Variants in ABLIM1 observed in about 807,000 individuals in gnomAD.
ABLIM1 encodes actin binding LIM protein 1.
Under a neutral mutation model 107.0 loss-of-function variants are expected in ABLIM1, and 40 were observed. That is an observed-to-expected ratio of 0.37 (90% CI 0.29 to 0.49). The LOEUF (loss-of-function observed/expected upper bound fraction) is 0.49, where lower values mean the gene tolerates loss of function less well. Among genes scored for constraint, ABLIM1 ranks in the 20% least tolerant of loss-of-function variants. ABLIM1 has a pLI of 0.97. For synonymous variants in ABLIM1, 357 were observed against 357.3 expected (o/e 1.00, Z 0.01); for missense variants, 857 against 1,008.5 (o/e 0.85, Z 2.04).
intron 8 of ABLIM1, among the ~76,000 whole-genome samples, chr10:114,481,183 A>G (rs2057311101): frequency 6.6e-6 from 1 of 152,146 alleles, no homozygotes; most frequent in Non-Finnish European, 1.5e-5. Context: ...CCGGTTGAGT[A>G]AGTAGATAAA....
At position 114,546,303 on chromosome 10, in the gene ABLIM1, T is replaced by C. The variant is rs193173693; in HGVS notation, c.801-1205A>G. On this transcript the variant is annotated intron_variant, in intron 5 of 22. Transcript: ENST00000533213. Reference sequence around the variant, plus strand: ...CTTGCCTTTTCTTTTCTTTCTTTTTTTTTTTTTTTGAGACAGAGTCTTGCT... The same window carrying C: ...CTTGCCTTTTCTTTTCTTTCTTTTTCTTTTTTTTTGAGACAGAGTCTTGCT... Among the ~76,000 whole-genome samples, 354 of 150,860 alleles carry C rather than the reference T, an allele frequency of 2.3e-3. 2 individuals are homozygous for C. Among genetic ancestry groups the C allele is most frequent in the African/African-American group, 8.3e-3 (341 of 41,214 alleles).
intron 1 of ABLIM1, among the ~76,000 whole-genome samples, chr10:114,723,307 G>A (rs2081890048): frequency 6.6e-6 from 1 of 152,156 alleles, no homozygotes; most frequent in Non-Finnish European, 1.5e-5. Flanking sequence ...CGTGTTAGAG[G>A]GACATGCCCC....
chr10:114,579,302 A>G (rs997670263), intron 2 of ABLIM1, among the ~76,000 whole-genome samples: 5 of 152,218 alleles, frequency 3.3e-5, no homozygotes, highest in Admixed American at 3.3e-4. Flanking sequence ...AGCTGGTATT[A>G]AAAAGAATGA....
At chr10:114,725,018 C>T (rs1465403229) in intron 1 of ABLIM1, among the ~76,000 whole-genome samples, 1 of 152,190 alleles carries the variant, frequency 6.6e-6, no homozygotes, top group Non-Finnish European at 1.5e-5. Context: ...TCTTTTCTCC[C>T]TCCATCCCCA....
At chr10:114,676,864 T>G (rs529425886) in intron 1 of ABLIM1, among the ~76,000 whole-genome samples, 1 of 152,206 alleles carries the variant, frequency 6.6e-6, no homozygotes, top group Admixed American at 6.5e-5. Context: ...GCCTCCTGAG[T>G]AGCTGGGAGT....
chr10:114,745,317 T>C (rs559457993), intron 1 of ABLIM1, among the ~76,000 whole-genome samples: 22 of 152,338 alleles, frequency 1.4e-4, no homozygotes, highest in African/African-American at 4.6e-4. Context: ...TCCTAGCACT[T>C]TGGGAGGCCA....
chr10:114,611,429 C>A (rs531127299), intron 1 of ABLIM1, among the ~76,000 whole-genome samples: 1 of 150,530 alleles, frequency 6.6e-6, no homozygotes, highest in Non-Finnish European at 1.5e-5. Context: ...TGAGATCACA[C>A]GACTACACAC....
chr10:114,694,031 T>C (rs1281815233), intron 1 of ABLIM1, among the ~76,000 whole-genome samples: 1 of 152,168 alleles, frequency 6.6e-6, no homozygotes, highest in African/African-American at 2.4e-5. Flanking sequence ...GCCCTGCCTA[T>C]GTAAGATGAA....
Position 114,436,381 on chromosome 10 carries a change from G to GA in ABLIM1, c.2224-9dup, listed in dbSNP as rs1565185609. The GA allele has an allele frequency of 5.8e-6, 9 of 1,555,182 alleles. No individual in the cohort carries two copies. The highest frequency in any genetic ancestry group is 2.4e-5 in the South Asian group (2 of 82,226). ...TTCAGGGGCTAAGTGGCGCTGGGAA[G>GA]AAGAAAAAAAAAAAAGAGCTGCTGT... is the stretch of plus-strand genomic sequence containing the variant. On this transcript the variant is annotated splice_polypyrimidine_tract_variant and intron_variant, in intron 22 of 22. Transcript: ENST00000533213.
intron 1 of ABLIM1, among the ~76,000 whole-genome samples, chr10:114,738,584 T>C (rs778367722): frequency 6.6e-6 from 1 of 152,160 alleles, no homozygotes; most frequent in Non-Finnish European, 1.5e-5. Flanking sequence ...AAAGAAAAAC[T>C]GCAGAGACTA....
At chr10:114,784,665 C>CAAAAAAAAAAAAAA in the ABLIM1 span, among the ~76,000 whole-genome samples, 3 of 88,004 alleles carry the variant, frequency 3.4e-5, no homozygotes, top group African/African-American at 4.3e-5. Flanking sequence ...AGACTCACCT[C>CAAAAAAAAAAAAAA]AAAAAAAAAA....
At chr10:114,767,908 T>TGCCCCCG (rs1207660221) in intron 1 of ABLIM1, among the ~76,000 whole-genome samples, 11 of 152,030 alleles carry the variant, frequency 7.2e-5, no homozygotes, top group African/African-American at 2.4e-4. Context: ...TTCCTTCCCC[T>TGCCCCCG]GCCCCCGGCC....
Position 114,437,900 on chromosome 10 carries a change from C to G in ABLIM1, c.2167G>C (p.Val723Leu). 6.2e-7 allele frequency: 1 copy of G among 1,613,994 alleles called. No homozygotes were observed. The highest frequency in any genetic ancestry group is 8.5e-7 in the Non-Finnish European group (1 of 1,179,972). The change falls in exon 22 of 23, where the codon GTG becomes CTG. Residue 723 changes from valine (V) to leucine (L), a missense_variant. Physicochemically the swap from Val to Leu is conservative, Grantham distance 32. Transcript: ENST00000533213. ...ATTTTGTTTCGCCCTCTGTTGGTCA[C>G]CATGAGCATTTCATATGGAAATATC... ...PKIFPYEMLM[V>L]TNRGRNKILR...
At chr10:114,645,261 C>T (rs1256842939) in intron 1 of ABLIM1, among the ~76,000 whole-genome samples, 1 of 151,536 alleles carries the variant, frequency 6.6e-6, no homozygotes, top group Non-Finnish European at 1.5e-5. Context: ...TAGATAAATA[C>T]CCCAGCTTCC....
At chr10:114,730,245 A>C (rs1399621525) in intron 1 of ABLIM1, among the ~76,000 whole-genome samples, 3 of 151,960 alleles carry the variant, frequency 2.0e-5, no homozygotes, top group Admixed American at 2.0e-4. Flanking sequence ...TAAAAATACA[A>C]AAATTAGCCA....
intron 2 of ABLIM1, among the ~76,000 whole-genome samples, chr10:114,588,066 T>A (rs1372106286): frequency 6.6e-6 from 1 of 152,218 alleles, no homozygotes; most frequent in Non-Finnish European, 1.5e-5. Context: ...ATGTATAACT[T>A]ATTTTTGAGT....
chr10:114,444,150 A>AT lies in ABLIM1; in HGVS notation c.1828-17_1828-16insA. 1.4e-6 allele frequency: 2 copies of AT among 1,458,322 alleles called. No individual in the cohort carries two copies. The highest frequency in any genetic ancestry group is 1.8e-6 in the Non-Finnish European group (2 of 1,095,062). 90.3% of individuals were successfully genotyped at this position (1,458,322 alleles called of 1,614,324 possible). A position where few individuals can be genotyped will look rare whatever the true frequency, so the allele number is the denominator to read the frequency against. ...CTGAGTTAAGCTATTCACAGAAAAAAGGAAAAAAAAAAAAAAAAGAAAGCA... is the reference window on the plus strand; with the variant it reads ...CTGAGTTAAGCTATTCACAGAAAAAATGGAAAAAAAAAAAAAAAAGAAAGCA... On this transcript the variant is annotated splice_polypyrimidine_tract_variant and intron_variant, in intron 16 of 22. Coordinates refer to ENST00000533213, the MANE Select transcript of ABLIM1 (RefSeq NM_002313.7).
chr10:114,462,909 A>T, intron 12 of ABLIM1: 1 of 934,240 alleles, frequency 1.1e-6, no homozygotes, highest in Non-Finnish European at 1.5e-6. Context: ...TGTTGGGTAT[A>T]GTCATGACAC....
chr10:114,607,971 G>T (rs546960163), intron 1 of ABLIM1, among the ~76,000 whole-genome samples: 3 of 152,220 alleles, frequency 2.0e-5, no homozygotes, highest in African/African-American at 4.8e-5. Flanking sequence ...TTACACCAAC[G>T]CAAAATGTTA....
Sources: allele counts gnomAD v4.1 joint callset (sites outside exome capture counted in the v4.1 genomes callset), GRCh38; gene constraint gnomAD v4.1.1; transcripts MANE v1.5; gene names NCBI Gene and HGNC (gene_info 2026-07-23, HGNC 2026-07-21).